Variants in EPHA6 observed in about 807,000 individuals in gnomAD.
The protein encoded by EPHA6 is ephrin type-A receptor 6.
Under a neutral mutation model 112.0 loss-of-function variants are expected in EPHA6, and 50 were observed. The ratio of observed to expected loss-of-function variants is 0.45; its 90% CI spans 0.36 to 0.56. The LOEUF (loss-of-function observed/expected upper bound fraction) is 0.56, where lower values mean the gene tolerates loss of function less well. Among genes scored for constraint, EPHA6 ranks in the 20% least tolerant of loss-of-function variants. The probability of loss-of-function intolerance (pLI) is 0.00; values close to 1 mark genes in which losing one functional copy is unlikely to be tolerated. For synonymous variants in EPHA6, 529 were observed against 490.7 expected, an observed-to-expected ratio of 1.08 and a Z score of -1.03; for missense variants, 1,280 against 1,417.4, an observed-to-expected ratio of 0.90 and a Z score of 1.56.
intron 9 of EPHA6, among the ~76,000 whole-genome samples, chr3:97,483,611 C>G (rs1419915233): frequency 1.3e-5 from 2 of 152,180 alleles, no homozygotes; most frequent in Non-Finnish European, 2.9e-5. Context: ...ATTCCCCAAG[C>G]TAGAGCAGAT....
chr3:97,637,831 C>A (rs1419032613), intron 13 of EPHA6, 42 bp from the exon 14 acceptor site: 1 of 1,431,386 alleles, frequency 7.0e-7, no homozygotes, highest in South Asian at 1.1e-5. Flanking sequence ...GCACACACTG[C>A]ATTAAAATAA....
chr3:97,394,660 C>T (rs561837000), intron 5 of EPHA6, among the ~76,000 whole-genome samples: 1 of 151,586 alleles, frequency 6.6e-6, no homozygotes, highest in Non-Finnish European at 1.5e-5. Context: ...AATAGCCAAC[C>T]TGTACATGAA....
At chr3:97,387,235 T>A (rs1304241245) in intron 5 of EPHA6, among the ~76,000 whole-genome samples, 2 of 152,174 alleles carry the variant, frequency 1.3e-5, no homozygotes, top group Admixed American at 6.5e-5. Flanking sequence ...TCCCAGAAAA[T>A]GAGTTTTTCC....
At position 97,511,039 on chromosome 3, in the gene EPHA6, C is replaced by G. The variant is rs183857387; in HGVS notation, c.2201-21319C>G. Among the ~76,000 whole-genome samples, 905 of 152,250 alleles carry G rather than the reference C, an allele frequency of 5.9e-3. 8 individuals are homozygous for G. Among genetic ancestry groups the G allele is most frequent in the African/African-American group, 0.02 (827 of 41,556 alleles). ...TTAGTAATGGTGGAAGCCCCTCCCC[C>G]CCACCAAGCTGGAGCATCAGACTGC... On this transcript the variant is annotated intron_variant, in intron 10 of 17. Transcript: ENST00000389672.
rs2036047705 is a variant in EPHA6 at position 97,757,226 on chromosome 3, GT to G, written c.*8526del. The stretch of plus-strand genomic sequence containing the variant: ...TTAGAAAAGAGTGAATAAAAAGTAT[GT>G]CACAGTACTCTTACTGGTAATTTTG... On this transcript the variant is annotated 3_prime_UTR_variant, in exon 18 of 18. Coordinates refer to ENST00000389672, the MANE Select transcript of EPHA6 (RefSeq NM_001080448.3). Among the ~76,000 whole-genome samples the G allele has an allele frequency of 6.6e-6, 1 of 151,742 alleles. No individual in the cohort carries two copies. The highest frequency in any genetic ancestry group is 1.5e-5 in the Non-Finnish European group (1 of 67,712).
intron 7 of EPHA6, among the ~76,000 whole-genome samples, chr3:97,471,233 T>C (rs1424610683): frequency 6.6e-6 from 1 of 151,724 alleles, no homozygotes; most frequent in Non-Finnish European, 1.5e-5. Context: ...CTCTTACTTC[T>C]TCCAACACAT....
At chr3:96,816,006 A>G (rs867847346) in intron 1 of EPHA6, among the ~76,000 whole-genome samples, 1 of 152,158 alleles carries the variant, frequency 6.6e-6, no homozygotes, top group Non-Finnish European at 1.5e-5. Flanking sequence ...TTATCATTTA[A>G]CACATAAGGC....
At chr3:96,862,092 G>T (rs533116021) in intron 1 of EPHA6, among the ~76,000 whole-genome samples, 4 of 151,870 alleles carry the variant, frequency 2.6e-5, no homozygotes, top group Non-Finnish European at 5.9e-5. Flanking sequence ...TCAGTTTAAA[G>T]CATTTAAACA....
intron 3 of EPHA6, among the ~76,000 whole-genome samples, chr3:97,103,462 A>G: frequency 6.6e-6 from 1 of 151,834 alleles, no homozygotes; most frequent in East Asian, 1.9e-4. Flanking sequence ...ATGTGACATT[A>G]TTTCTGGTTT....
chr3:97,228,992 T>A (rs1416452075), intron 4 of EPHA6, among the ~76,000 whole-genome samples: 2 of 152,200 alleles, frequency 1.3e-5, no homozygotes, highest in African/African-American at 4.8e-5. Flanking sequence ...CATTTTTTCA[T>A]ATGTCTGTTG....
At chr3:96,825,337 A>G (rs1455214103) in intron 1 of EPHA6, among the ~76,000 whole-genome samples, 2 of 151,768 alleles carry the variant, frequency 1.3e-5, no homozygotes, top group African/African-American at 4.8e-5. Flanking sequence ...TTTAAAATAT[A>G]ACAACACAAA....
rs1242675915 is a variant in EPHA6 at position 97,266,715 on chromosome 3, A to T, written c.1606+22428A>T. ...ATAAACAAGATGGAACCTTATCCAT[A>T]TGTCATTTTTTGTAACCTTGTCTTG... On this transcript the variant is annotated intron_variant, in intron 5 of 17. Coordinates refer to ENST00000389672, the MANE Select transcript of EPHA6 (RefSeq NM_001080448.3). Among the ~76,000 whole-genome samples the T allele has an allele frequency of 4.1e-5, 6 of 147,442 alleles. No homozygotes were observed. In the Admixed American group the frequency reaches 4.2e-4, roughly 10 times the overall value.
At chr3:97,695,427 T>G (rs1454390992) in intron 14 of EPHA6, among the ~76,000 whole-genome samples, 1 of 152,254 alleles carries the variant, frequency 6.6e-6, no homozygotes, top group Non-Finnish European at 1.5e-5. Flanking sequence ...TTGTCTTTTA[T>G]TCAAACATTT....
chr3:97,288,290 TA>T (rs939635384), intron 5 of EPHA6, among the ~76,000 whole-genome samples: 3 of 152,168 alleles, frequency 2.0e-5, no homozygotes, highest in African/African-American at 7.2e-5. Context: ...TTTATGTCCA[TA>T]AGTATTCAAC....
intron 1 of EPHA6, among the ~76,000 whole-genome samples, chr3:96,840,294 T>C (rs2034661832): frequency 6.6e-6 from 1 of 152,120 alleles, no homozygotes; most frequent in Admixed American, 6.6e-5. Flanking sequence ...TATATACACC[T>C]CTTGGGGGTG....
At chr3:96,954,316 C>A (rs2041671199) in intron 2 of EPHA6, among the ~76,000 whole-genome samples, 1 of 152,144 alleles carries the variant, frequency 6.6e-6, no homozygotes, top group African/African-American at 2.4e-5. Flanking sequence ...AGAATAAAAG[C>A]CAAAATATTC....
chr3:97,761,332 T>G lies in EPHA6; in HGVS notation c.*12631T>G, dbSNP rs2036163106. The G allele has an allele frequency of 5.2e-6, 1 of 190,928 alleles. No homozygotes were observed. Among genetic ancestry groups the G allele is most frequent in the South Asian group, 1.9e-4 (1 of 5,172 alleles). The allele number at this position is 190,928 out of a possible 1,614,324, so 11.8% of individuals were successfully genotyped here. ...GGTGAATTGCATAACATATGTCATCTATTTGCTGAAAGAATATGCTGTTTA... is the reference window on the plus strand; with the variant it reads ...GGTGAATTGCATAACATATGTCATCGATTTGCTGAAAGAATATGCTGTTTA... On this transcript the variant is annotated 3_prime_UTR_variant, in exon 18 of 18. Coordinates refer to ENST00000389672, the MANE Select transcript of EPHA6 (RefSeq NM_001080448.3).
intron 5 of EPHA6, among the ~76,000 whole-genome samples, chr3:97,365,560 T>G (rs1577107402): frequency 6.6e-6 from 1 of 152,112 alleles, no homozygotes. Flanking sequence ...TTTTGTATTT[T>G]TGTATTTTTA....
At chr3:96,973,908 T>C (rs1468624619) in intron 2 of EPHA6, among the ~76,000 whole-genome samples, 1 of 145,916 alleles carries the variant, frequency 6.9e-6, no homozygotes, top group Non-Finnish European at 1.5e-5. Context: ...ATATATGATA[T>C]AATAGATTCT....
Sources: allele counts gnomAD v4.1 joint callset (sites outside exome capture counted in the v4.1 genomes callset), GRCh38; gene constraint gnomAD v4.1.1; transcripts MANE v1.5; gene names NCBI Gene and HGNC (gene_info 2026-07-23, HGNC 2026-07-21).